Variants in ANKRD18B observed in about 807,000 individuals in gnomAD.
ANKRD18B encodes ankyrin repeat domain 18B, also known as ankyrin repeat domain-containing protein 18B.
A neutral mutation model predicts 111.8 loss-of-function variants in ANKRD18B; 75 were observed. That is an observed-to-expected ratio of 0.67 (90% CI 0.56 to 0.81). The LOEUF (loss-of-function observed/expected upper bound fraction) is 0.81. Ranked by LOEUF, ANKRD18B falls within the 40% of genes least tolerant of loss-of-function variation. The pLI, the probability that ANKRD18B is intolerant of heterozygous loss-of-function variation, is 0.00. For synonymous variants in ANKRD18B, 356 were observed against 417.3 expected (o/e 0.85, Z 1.79); for missense variants, 1,038 against 1,225.5 (o/e 0.85, Z 2.28).
intron 17 of ANKRD18B, among the ~76,000 whole-genome samples, chr9:33,570,066 T>C (rs754447798): frequency 3.9e-5 from 6 of 152,206 alleles, no homozygotes; most frequent in Non-Finnish European, 5.9e-5. Context: ...CCAAGGTAGA[T>C]TGAAAATCCA....
At chr9:33,573,036 A>G, downstream of ANKRD18B, 1 of 554,970 alleles carries the variant, frequency 1.8e-6, no homozygotes, top group Non-Finnish European at 2.5e-6. Context: ...TCCAGTTCCC[A>G]AAGATTAGGC....
At chr9:33,530,212 A>G (rs1037388225) in intron 3 of ANKRD18B, among the ~76,000 whole-genome samples, 18 of 152,342 alleles carry the variant, frequency 1.2e-4, no homozygotes, top group African/African-American at 4.1e-4. Context: ...GTGCATTACA[A>G]TGACCTGGGG....
chr9:33,536,706 T>G (rs3954922), intron 5 of ANKRD18B, among the ~76,000 whole-genome samples, 172 bp from the exon 6 acceptor site: 1 of 152,228 alleles, frequency 6.6e-6, no homozygotes, highest in Non-Finnish European at 1.5e-5. Flanking sequence ...TTTTCTTGTT[T>G]AATTAGAAGC....
At chr9:33,525,992 CT>C (rs1282715077) in intron 1 of ANKRD18B, among the ~76,000 whole-genome samples, 1 of 151,968 alleles carries the variant, frequency 6.6e-6, no homozygotes, top group Non-Finnish European at 1.5e-5. Flanking sequence ...GAGCAAAGTA[CT>C]TTTTGCAGAT....
At chr9:33,562,626 C>CA (rs1336727649) in intron 14 of ANKRD18B, among the ~76,000 whole-genome samples, 1 of 152,186 alleles carries the variant, frequency 6.6e-6, no homozygotes, top group Non-Finnish European at 1.5e-5. Context: ...ATTTCAGAGC[C>CA]AAGTTGTGTG....
chr9:33,541,334 G>A, intron 9 of ANKRD18B, 107 bp downstream of exon 9: 1 of 1,420,266 alleles, frequency 7.0e-7, no homozygotes, highest in Non-Finnish European at 9.3e-7. Context: ...AATCCATGGA[G>A]TACATCAGTC....
At chr9:33,532,159 G>A (rs1254529375) in intron 3 of ANKRD18B, among the ~76,000 whole-genome samples, 8 of 152,016 alleles carry the variant, frequency 5.3e-5, no homozygotes, top group South Asian at 2.1e-4. Flanking sequence ...GCATGAACTC[G>A]GGAGGTGGAG....
intron 14 of ANKRD18B, among the ~76,000 whole-genome samples, chr9:33,561,446 C>T (rs1252499678): frequency 5.3e-5 from 8 of 152,132 alleles, no homozygotes; most frequent in Admixed American, 2.0e-4. Context: ...AGTCCCTTAT[C>T]AGATATATGC....
At chr9:33,573,153 T>A, downstream of ANKRD18B, 1 of 1,398,216 alleles carries the variant, frequency 7.2e-7, no homozygotes, top group Non-Finnish European at 9.2e-7. Flanking sequence ...TAATGTTGTA[T>A]TTTCTCTGCG....
Position 33,558,117 on chromosome 9 carries a change from T to G in ANKRD18B, c.2390T>G (p.Phe797Cys), listed in dbSNP as rs188453799. 6.2e-7 allele frequency: 1 copy of G among 1,612,234 alleles called. No homozygotes were observed. The highest frequency in any genetic ancestry group is 8.5e-7 in the Non-Finnish European group (1 of 1,179,248). Residue 797 changes from phenylalanine (F) to cysteine (C), a missense_variant, in exon 14 of 19, where the codon TTC becomes TGC. By Grantham distance (205) the Phe-to-Cys change is radical. Around this residue, in one of 4 missense-constraint regions of ANKRD18B, gnomAD observed 524 missense variants for 677.9 expected, o/e 0.77. Coordinates refer to ENST00000684830, the MANE Select transcript of ANKRD18B (RefSeq NM_001393611.1). Reference protein sequence around the residue: ...NMLNAFANEDFSCHGDLNTDQ... With the variant: ...NMLNAFANEDCSCHGDLNTDQ... ...TTAAATGCATTTGCAAATGAAGACT[T>G]CAGTTGCCATGGAGACTTAAATACA...
chr9:33,573,956 G>A (rs1262096201), downstream of ANKRD18B, among the ~76,000 whole-genome samples: 2 of 144,124 alleles, frequency 1.4e-5, 1 homozygote, highest in South Asian at 4.7e-4. Flanking sequence ...CTGATCGGTT[G>A]GAACATAAAC....
chr9:33,574,744 A>C (rs549927560), downstream of ANKRD18B, among the ~76,000 whole-genome samples: 1 of 152,244 alleles, frequency 6.6e-6, no homozygotes, highest in Non-Finnish European at 1.5e-5. Flanking sequence ...CCATATGTAC[A>C]GACACACACA....
rs1828726088 is a variant in ANKRD18B, at chr9:33,568,838, G to T, written c.3122G>T (p.Arg1041Ile). Reference protein sequence around the residue: ...NRKYIPKMAIRIPTSNPQTSN... With the variant: ...NRKYIPKMAIIIPTSNPQTSN... Reference sequence around the variant, plus strand: ...AAATATATTCCCAAAATGGCCATAAGAATTCCTACTTCAAACCCACAGACT... The same window carrying T: ...AAATATATTCCCAAAATGGCCATAATAATTCCTACTTCAAACCCACAGACT... The change falls in exon 17 of 19, where the codon AGA (arginine) becomes ATA (isoleucine). Residue 1041 changes from arginine to isoleucine, a missense_variant. Coordinates refer to ENST00000684830, the MANE Select transcript of ANKRD18B (RefSeq NM_001393611.1). 4 of 1,551,412 alleles carry T rather than the reference G, an allele frequency of 2.6e-6. No individual in the cohort carries two copies. Among genetic ancestry groups the T allele is most frequent in the Non-Finnish European group, 2.6e-6 (3 of 1,146,774 alleles).
At chr9:33,562,425 G>A (rs922272338) in intron 14 of ANKRD18B, among the ~76,000 whole-genome samples, 3 of 151,888 alleles carry the variant, frequency 2.0e-5, no homozygotes, top group Admixed American at 6.6e-5. Context: ...CAGAAACCAC[G>A]GTTTCTGTAT....
chr9:33,559,265 G>T (rs568095254), intron 14 of ANKRD18B, among the ~76,000 whole-genome samples: 1 of 152,228 alleles, frequency 6.6e-6, no homozygotes, highest in African/African-American at 2.4e-5. Context: ...GAGAGATTGG[G>T]CTACATTAAT....
chr9:33,570,909 T>C (rs1252489094), intron 17 of ANKRD18B, among the ~76,000 whole-genome samples: 2 of 152,198 alleles, frequency 1.3e-5, no homozygotes, highest in Non-Finnish European at 2.9e-5. Flanking sequence ...GTGCTGGGAT[T>C]ACAGGCGTGA....
chr9:33,536,911 G>A lies in ANKRD18B; in HGVS notation c.774G>A (p.Lys258=). The stretch of plus-strand genomic sequence containing the variant: ...AACAAATTTTGGAACATAAAAATAA[G>A]ATGCTTAAAAATCATCTTCGAAATG... ...IQQQILEHKN[K]MLKNHLRNDN... The change falls in exon 6 of 19, where the codon AAG becomes AAA. Residue 258 remains lysine (K), a synonymous_variant. Coordinates refer to ENST00000684830, the MANE Select transcript of ANKRD18B (RefSeq NM_001393611.1). 6.7e-7 allele frequency: 1 copy of A among 1,498,986 alleles called. No homozygotes were observed. The highest frequency in any genetic ancestry group is 9.0e-7 in the Non-Finnish European group (1 of 1,115,790). 92.9% of individuals were successfully genotyped at this position (1,498,986 alleles called of 1,614,324 possible).
chr9:33,533,002 G>GAT (rs1326010819), intron 3 of ANKRD18B, among the ~76,000 whole-genome samples: 1 of 152,116 alleles, frequency 6.6e-6, no homozygotes, highest in Non-Finnish European at 1.5e-5. Flanking sequence ...TATAGTTTAA[G>GAT]AAACACTTCT....
chr9:33,553,516 G>A (rs2118081727), intron 12 of ANKRD18B, among the ~76,000 whole-genome samples: 1 of 152,224 alleles, frequency 6.6e-6, no homozygotes, highest in East Asian at 1.9e-4. Context: ...AACTTCTCCA[G>A]AAGGTTCTTA....
Sources: allele counts gnomAD v4.1 joint callset (sites outside exome capture counted in the v4.1 genomes callset), GRCh38; gene constraint gnomAD v4.1.1; regional missense constraint gnomAD v4.1.1; transcripts MANE v1.5; gene names NCBI Gene and HGNC (gene_info 2026-07-23, HGNC 2026-07-21).